SPIDR: variants seen among roughly 807,000 people sequenced by gnomAD.
SPIDR encodes the protein DNA repair-scaffolding protein.
SPIDR carries 93 observed loss-of-function variants against 104.6 expected under a neutral mutation model. That is an observed-to-expected ratio of 0.89 (90% CI 0.75 to 1.06). SPIDR has a LOEUF of 1.06. SPIDR is among the 50% of genes least tolerant of loss of function. The probability of loss-of-function intolerance (pLI) is 0.00; values close to 1 mark genes in which losing one functional copy is unlikely to be tolerated. For missense variants in SPIDR, 1,154 were observed against 1,111.2 expected, an observed-to-expected ratio of 1.04 and a Z score of -0.55; for synonymous variants, 431 against 416.9, an observed-to-expected ratio of 1.03 and a Z score of -0.41.
At chr8:47,345,080 G>A (rs1417995325) in intron 5 of SPIDR, among the ~76,000 whole-genome samples, 1 of 152,162 alleles carries the variant, frequency 6.6e-6, no homozygotes, top group East Asian at 1.9e-4. Context: ...TTCTTCTAGG[G>A]TTTTTATGGT....
At chr8:47,591,543 CT>C (rs1209005422) in intron 8 of SPIDR, among the ~76,000 whole-genome samples, 7 of 151,758 alleles carry the variant, frequency 4.6e-5, no homozygotes, top group Non-Finnish European at 8.8e-5. Flanking sequence ...TGGTCACAAG[CT>C]TTTTTTGAAG....
chr8:47,363,500 TAA>T (rs34766173), intron 5 of SPIDR, among the ~76,000 whole-genome samples: 467 of 139,602 alleles, frequency 3.3e-3, no homozygotes, highest in African/African-American at 5.4e-3. Context: ...CAACCTTTTT[TAA>T]AAAAAAAAAA....
intron 3 of SPIDR, among the ~76,000 whole-genome samples, chr8:47,284,358 C>T (rs1189270948): frequency 6.6e-6 from 1 of 152,082 alleles, no homozygotes; most frequent in Non-Finnish European, 1.5e-5. Flanking sequence ...TATCACAGAG[C>T]CCAGTAGGTT....
intron 8 of SPIDR, among the ~76,000 whole-genome samples, chr8:47,523,970 G>T (rs1025435569): frequency 2.0e-5 from 3 of 152,180 alleles, no homozygotes; most frequent in Admixed American, 2.0e-4. Flanking sequence ...CACAATGACA[G>T]ATTAAGTGTC....
intron 1 of SPIDR, among the ~76,000 whole-genome samples, chr8:47,269,931 C>T (rs2034946580): frequency 6.6e-6 from 1 of 151,886 alleles, no homozygotes; most frequent in South Asian, 2.1e-4. Flanking sequence ...TGGTTTTTAT[C>T]CTTTATTTTG....
chr8:47,375,167 G>A (rs2058500848), intron 5 of SPIDR, among the ~76,000 whole-genome samples: 1 of 145,792 alleles, frequency 6.9e-6, no homozygotes, highest in African/African-American at 2.5e-5. Flanking sequence ...ACTTTGCTTT[G>A]TCTAGTTTAA....
chr8:47,708,062 G>A (rs1750550393), intron 14 of SPIDR, among the ~76,000 whole-genome samples: 1 of 152,242 alleles, frequency 6.6e-6, no homozygotes, highest in Non-Finnish European at 1.5e-5. Flanking sequence ...CACTTTGGGA[G>A]GCCGAGGCAG....
rs1255704593 is a variant in SPIDR at position 47,397,640 on chromosome 8, G to T, written c.776+1014G>T. Among the ~76,000 whole-genome samples, 3 of 152,268 alleles carry T rather than the reference G, an allele frequency of 2.0e-5. No homozygotes were observed. In the East Asian group the frequency reaches 5.8e-4, roughly 29 times the overall value. ...GAAGAGCGTAGGTGTTGGATCCACG[G>T]ATGATATTGTTACATCATAAGAAGA... On this transcript the variant is annotated intron_variant, in intron 6 of 19. Transcript: ENST00000297423.
chr8:47,630,718 C>CTAAA (rs2066930678), intron 10 of SPIDR, among the ~76,000 whole-genome samples: 1 of 152,160 alleles, frequency 6.6e-6, no homozygotes, highest in African/African-American at 2.4e-5. Context: ...TCATCCCAGC[C>CTAAA]TTTACAGGTG....
chr8:47,386,793 G>A (rs1448067054), intron 5 of SPIDR, among the ~76,000 whole-genome samples: 1 of 151,666 alleles, frequency 6.6e-6, no homozygotes, highest in Non-Finnish European at 1.5e-5. Flanking sequence ...ATATTGTTGT[G>A]GTTATTTTTT....
At chr8:47,344,430 C>T (rs1183413869) in intron 5 of SPIDR, among the ~76,000 whole-genome samples, 4 of 152,144 alleles carry the variant, frequency 2.6e-5, no homozygotes, top group East Asian at 1.9e-4. Flanking sequence ...AGTAAACATC[C>T]GTGTGTATGT....
At chr8:47,642,861 A>G (rs1056325643) in intron 10 of SPIDR, among the ~76,000 whole-genome samples, 11 of 152,324 alleles carry the variant, frequency 7.2e-5, no homozygotes, top group Middle Eastern at 6.8e-3. Flanking sequence ...GTGAGCCATG[A>G]TGGCAGCAGA....
intron 8 of SPIDR, among the ~76,000 whole-genome samples, chr8:47,493,148 ATCTT>A (rs1425919343): frequency 7.2e-5 from 11 of 152,024 alleles, no homozygotes; most frequent in African/African-American, 2.2e-4. Flanking sequence ...GGTTTGTTCT[ATCTT>A]TCTGCTTTGG....
At chr8:47,416,053 G>GGCCAAC (rs2064220723) in intron 7 of SPIDR, among the ~76,000 whole-genome samples, 1 of 152,176 alleles carries the variant, frequency 6.6e-6, no homozygotes, top group Non-Finnish European at 1.5e-5. Context: ...AGACCAGCCT[G>GGCCAAC]GCCAACATGG....
intron 5 of SPIDR, among the ~76,000 whole-genome samples, chr8:47,326,495 T>A (rs1563628019): frequency 6.6e-6 from 1 of 152,228 alleles, no homozygotes; most frequent in South Asian, 2.1e-4. Flanking sequence ...CATTCAAAAG[T>A]GAATAATTCA....
intron 8 of SPIDR, chr8:47,592,647 G>A (rs1321748200): frequency 1.3e-5 from 13 of 998,716 alleles, no homozygotes; most frequent in South Asian, 3.0e-5. Flanking sequence ...TCTAGTCTCC[G>A]GCTCCGCTTG....
At chr8:47,304,702 C>T (rs1248810958) in intron 5 of SPIDR, among the ~76,000 whole-genome samples, 6 of 152,158 alleles carry the variant, frequency 3.9e-5, no homozygotes, top group Non-Finnish European at 1.5e-5. Context: ...TCTTCCTGTA[C>T]AGCCTGCAGA....
At chr8:47,475,492 C>T (rs1003210260) in intron 8 of SPIDR, among the ~76,000 whole-genome samples, 1 of 152,336 alleles carries the variant, frequency 6.6e-6, no homozygotes, top group Admixed American at 6.5e-5. Flanking sequence ...ATGCAGTGAT[C>T]TTTAAAGCCA....
At chr8:47,290,945 C>A in intron 3 of SPIDR, 88 bp from the exon 4 acceptor site, 1 of 995,096 alleles carries the variant, frequency 1.0e-6, no homozygotes, top group Non-Finnish European at 1.5e-6. Context: ...GTATTTGTGA[C>A]TTTGGCAAAA....
Sources: gnomAD v4.1 joint callset for allele counts (sites outside exome capture counted in the v4.1 genomes callset) on GRCh38, gnomAD v4.1.1 for gene constraint, MANE v1.5 for transcripts, NCBI Gene and HGNC (gene_info 2026-07-23, HGNC 2026-07-21) for gene names.